ZNF385D: variants seen among roughly 807,000 people sequenced by gnomAD.
ZNF385D encodes the protein zinc finger protein 659.
Under a neutral mutation model 35.8 loss-of-function variants are expected in ZNF385D, and 15 were observed. That is an observed-to-expected ratio of 0.42 (90% CI 0.28 to 0.64). The LOEUF is 0.64. Among genes scored for constraint, ZNF385D ranks in the 30% least tolerant of loss-of-function variants. The pLI is 0.23. For missense variants in ZNF385D, 474 were observed against 494.6 expected (o/e 0.96, Z 0.39); for synonymous variants, 212 against 186.8 (o/e 1.13, Z -1.10).
intron 2 of ZNF385D, among the ~76,000 whole-genome samples, chr3:21,591,277 T>TA (rs1419382433): frequency 6.6e-6 from 1 of 152,094 alleles, no homozygotes; most frequent in Non-Finnish European, 1.5e-5. Context: ...ATTTTTTTTT[T>TA]ACAAGTGCCC....
rs1013095215 is a variant in ZNF385D, at chr3:21,412,622, T to C, written c.*8592A>G. ...CAATATTACATTTACCTGGACAATT[T>C]TGATATTGTCAAAGAGAGAGGATAT... is the stretch of plus-strand genomic sequence containing the variant. On this transcript the variant is annotated 3_prime_UTR_variant, in exon 8 of 8. Transcript: ENST00000281523. The C allele has an allele frequency of 3.3e-5, 5 of 152,110 alleles. No homozygotes were observed. The highest frequency in any genetic ancestry group is 1.2e-4 in the African/African-American group (5 of 41,440). The allele number at this position is 152,110 out of a possible 1,614,324, so 9.4% of individuals were successfully genotyped here. A position where few individuals can be genotyped will look rare whatever the true frequency, so the allele number is the denominator to read the frequency against.
chr3:21,792,281 T>G (rs2071962486), intron 3 of ZNF385D, among the ~76,000 whole-genome samples: 1 of 152,156 alleles, frequency 6.6e-6, no homozygotes, highest in African/African-American at 2.4e-5. Flanking sequence ...GTTCCCTCCA[T>G]TAAAAGAAGA....
intron 3 of ZNF385D, among the ~76,000 whole-genome samples, chr3:22,013,932 C>T (rs1034814849): frequency 6.6e-6 from 1 of 152,198 alleles, no homozygotes; most frequent in African/African-American, 2.4e-5. Flanking sequence ...AGTTAAGACC[C>T]TTCATCAACT....
rs1701718525 is a variant in ZNF385D, at chr3:21,945,171, T to TAG, written c.325+223645_325+223646insCT. ...ATATATATATACACACACATATATA[T>TAG]ATAGTGAGAGAGAGAGAGACAGATT... is the stretch of plus-strand genomic sequence containing the variant. On this transcript the variant is annotated intron_variant, in intron 3 of 5. Coordinates refer to the ZNF385D transcript ENST00000494108. Among the ~76,000 whole-genome samples, 4 of 150,974 alleles carry TAG rather than the reference T, an allele frequency of 2.6e-5. 1 individual carries two copies. The South Asian group carries it at 8.3e-4, about 31-fold the overall frequency.
intron 2 of ZNF385D, among the ~76,000 whole-genome samples, chr3:22,239,894 A>T (rs1052075423): frequency 2.0e-5 from 3 of 150,788 alleles, no homozygotes; most frequent in Admixed American, 6.6e-5. Flanking sequence ...AAATGATTTC[A>T]GCCTGGGCAT....
chr3:21,946,779 C>T (rs1701809517), intron 3 of ZNF385D, among the ~76,000 whole-genome samples: 1 of 152,180 alleles, frequency 6.6e-6, no homozygotes, highest in Non-Finnish European at 1.5e-5. Context: ...TTGCAGTGAG[C>T]CGAAATTGCG....
chr3:22,271,154 A>T (rs1185597786), intron 2 of ZNF385D, among the ~76,000 whole-genome samples: 1 of 151,938 alleles, frequency 6.6e-6, no homozygotes, highest in Non-Finnish European at 1.5e-5. Flanking sequence ...ACATTCATTG[A>T]TTTTAATATT....
At chr3:21,838,308 G>A (rs1349721812) in intron 3 of ZNF385D, among the ~76,000 whole-genome samples, 2 of 152,048 alleles carry the variant, frequency 1.3e-5, no homozygotes, top group African/African-American at 4.8e-5. Context: ...TTCAAGACAG[G>A]TACTTGGAGG....
At chr3:21,686,614 C>T (rs1044546604) in intron 1 of ZNF385D, among the ~76,000 whole-genome samples, 28 of 152,146 alleles carry the variant, frequency 1.8e-4, no homozygotes, top group Admixed American at 1.6e-3. Flanking sequence ...TTTTCATGTA[C>T]AAAGCCTTTG....
At chr3:21,908,190 C>T (rs1275691896) in intron 3 of ZNF385D, among the ~76,000 whole-genome samples, 1 of 147,326 alleles carries the variant, frequency 6.8e-6, no homozygotes, top group Non-Finnish European at 1.5e-5. Context: ...ATAAAGGATT[C>T]TAGGGAACAG....
intron 3 of ZNF385D, among the ~76,000 whole-genome samples, chr3:21,813,397 C>A (rs1360733989): frequency 6.6e-6 from 1 of 152,146 alleles, no homozygotes; most frequent in Admixed American, 6.5e-5. Flanking sequence ...TAATAACAAA[C>A]TTCTCCGAGC....
chr3:21,913,231 T>G (rs573799676), intron 3 of ZNF385D, among the ~76,000 whole-genome samples: 5 of 152,234 alleles, frequency 3.3e-5, no homozygotes, highest in African/African-American at 1.2e-4. Context: ...GAAGGAACAG[T>G]GTCACCATGC....
At chr3:22,270,606 G>A (rs1701122632) in intron 2 of ZNF385D, among the ~76,000 whole-genome samples, 1 of 151,856 alleles carries the variant, frequency 6.6e-6, no homozygotes, top group African/African-American at 2.4e-5. Flanking sequence ...TAAACATTCT[G>A]TTGCTATGTT....
At chr3:21,563,094 T>C (rs762333714) in intron 3 of ZNF385D, among the ~76,000 whole-genome samples, 3 of 152,168 alleles carry the variant, frequency 2.0e-5, no homozygotes, top group Non-Finnish European at 4.4e-5. Flanking sequence ...AAGTTGATGG[T>C]AGTAGCAGGT....
At chr3:21,750,748 G>A in intron 1 of ZNF385D, 147 bp downstream of exon 1, 1 of 895,022 alleles carries the variant, frequency 1.1e-6, no homozygotes, top group South Asian at 1.6e-5. Flanking sequence ...AAGCTTTGAA[G>A]GCTGCACCGG....
Position 21,811,752 on chromosome 3 carries a change from A to G in ZNF385D, c.326-146724T>C, listed in dbSNP as rs551158197. 2.0e-5 allele frequency among the ~76,000 whole-genome samples: 3 copies of G among 152,344 alleles called. No homozygotes were observed. The East Asian group carries it at 5.8e-4, about 29-fold the overall frequency. On this transcript the variant is annotated intron_variant, in intron 3 of 5. Transcript: ENST00000494108. The stretch of plus-strand genomic sequence containing the variant: ...TTATAAAAGAATTAATTCAGAAAGT[A>G]ATTCATGGAGAAGAGGAGAACAGCA...
intron 3 of ZNF385D, among the ~76,000 whole-genome samples, chr3:22,143,059 TTGTGTGTGTGTGTGTGTG>T (rs57448532): frequency 3.8e-3 from 537 of 140,992 alleles, no homozygotes; most frequent in Admixed American, 7.9e-3. Flanking sequence ...ATTAAATCGG[TTGTGTGTGTGTGTGTGTG>T]TGTGTGTGTG....
chr3:22,068,643 G>A (rs1700083976), intron 3 of ZNF385D, among the ~76,000 whole-genome samples: 1 of 151,970 alleles, frequency 6.6e-6, no homozygotes, highest in Admixed American at 6.6e-5. Flanking sequence ...ATCTTTCTTT[G>A]GCTCTTCTTT....
At chr3:21,468,485 T>G (rs1703671097) in intron 4 of ZNF385D, among the ~76,000 whole-genome samples, 1 of 140,488 alleles carries the variant, frequency 7.1e-6, no homozygotes, top group Admixed American at 7.2e-5. Context: ...GCAACCCAAA[T>G]ATGCATCACC....
Sources: gnomAD v4.1 joint callset for allele counts (sites outside exome capture counted in the v4.1 genomes callset) on GRCh38, gnomAD v4.1.1 for gene constraint, MANE v1.5 for transcripts, NCBI Gene and HGNC (gene_info 2026-07-23, HGNC 2026-07-21) for gene names.